The following RNF169 variants were observed in gnomAD, a reference collection of about 807,000 sequenced individuals.
RNF169 encodes E3 ubiquitin-protein ligase RNF169.
In RNF169, 24 loss-of-function variants were observed where a neutral mutation model predicts 53.9. The ratio of observed to expected loss-of-function variants is 0.45; its 90% CI spans 0.32 to 0.63. The LOEUF is 0.63. RNF169 is among the 20% of genes least tolerant of loss of function. The pLI is 0.04. For missense variants in RNF169, 883 were observed against 906.2 expected (o/e 0.97, Z 0.33); for synonymous variants, 396 against 363.5 (o/e 1.09, Z -1.02).
chr11:74,749,468 G>T (rs536281277), intron 1 of RNF169, 86 bp downstream of exon 1: 5 of 1,090,752 alleles, frequency 4.6e-6, no homozygotes, highest in Non-Finnish European at 5.7e-6. Flanking sequence ...AGAGTCCCGG[G>T]CCCTACTCGG....
intron 4 of RNF169, chr11:74,830,919 CT>C (rs1223672047): frequency 6.6e-6 from 1 of 151,958 alleles, no homozygotes; most frequent in Non-Finnish European, 1.5e-5. Context: ...GGGAAAAAAG[CT>C]CAGTAGACAC....
intron 4 of RNF169, among the ~76,000 whole-genome samples, chr11:74,827,094 C>T (rs140511661): frequency 4.1e-4 from 62 of 152,338 alleles, no homozygotes; most frequent in African/African-American, 1.3e-3. Flanking sequence ...CAGGCTCCAC[C>T]GCTGCAGCAG....
intron 2 of RNF169, among the ~76,000 whole-genome samples, chr11:74,800,577 A>G (rs1163634953): frequency 6.6e-6 from 1 of 152,224 alleles, no homozygotes; most frequent in East Asian, 1.9e-4. Context: ...TGCCTGGTCC[A>G]TAGTAAACTG....
At chr11:74,827,732 T>A (rs778550144) in intron 4 of RNF169, among the ~76,000 whole-genome samples, 2 of 152,102 alleles carry the variant, frequency 1.3e-5, no homozygotes, top group Non-Finnish European at 2.9e-5. Flanking sequence ...ACAAAAACCA[T>A]ATGATTATCT....
intron 2 of RNF169, among the ~76,000 whole-genome samples, chr11:74,806,610 A>G (rs2035808926): frequency 6.6e-6 from 1 of 152,256 alleles, no homozygotes; most frequent in South Asian, 2.1e-4. Context: ...GAATACTATA[A>G]AACAAAACAA....
chr11:74,789,459 A>T (rs904269138), intron 1 of RNF169, among the ~76,000 whole-genome samples, 167 bp from the exon 2 acceptor site: 5 of 152,206 alleles, frequency 3.3e-5, no homozygotes, highest in African/African-American at 1.2e-4. Context: ...AAGGAGACAG[A>T]AGTGTATACT....
At chr11:74,820,656 G>A (rs995738744) in intron 4 of RNF169, among the ~76,000 whole-genome samples, 5 of 152,124 alleles carry the variant, frequency 3.3e-5, no homozygotes, top group Admixed American at 6.6e-5. Context: ...CAAGTCAAGT[G>A]TTTACCAGCC....
At chr11:74,815,492 G>A (rs893653779) in intron 3 of RNF169, among the ~76,000 whole-genome samples, 6 of 152,048 alleles carry the variant, frequency 3.9e-5, no homozygotes, top group African/African-American at 1.5e-4. Context: ...GGAGGCGGAG[G>A]TTGCAGTGTG....
intron 1 of RNF169, among the ~76,000 whole-genome samples, chr11:74,778,684 A>G (rs2035372625): frequency 6.6e-6 from 1 of 152,224 alleles, no homozygotes; most frequent in South Asian, 2.1e-4. Context: ...ATTTTTACGT[A>G]GCAGCCTTTA....
At chr11:74,786,877 ATT>A (rs2035511346) in intron 1 of RNF169, among the ~76,000 whole-genome samples, 1 of 152,220 alleles carries the variant, frequency 6.6e-6, no homozygotes, top group South Asian at 2.1e-4. Context: ...CTCTTGAAAC[ATT>A]TTGTACTAAA....
rs774925873 is a variant in RNF169 at position 74,748,926 on chromosome 11, G to A, written c.46G>A (p.Ala16Thr). 8 of 1,452,062 alleles carry A rather than the reference G, an allele frequency of 5.5e-6. No individual in the cohort carries two copies. The highest frequency in any genetic ancestry group is 9.2e-7 in the Non-Finnish European group (1 of 1,092,316). The allele number at this position is 1,452,062 out of a possible 1,614,324, so 89.9% of individuals were successfully genotyped here. Residue 16 changes from alanine to threonine, a missense_variant, in exon 1 of 6, where the codon GCA (alanine) becomes ACA (threonine). By Grantham distance (58) the Ala-to-Thr change is moderately conservative. This residue lies in a region of RNF169 where 313 missense variants were observed against 279.9 expected (regional missense o/e 1.12). Transcript: ENST00000299563. ...TACTCGGGCCTCTTCCGCGGCGGCA[G>A]CAGCCGCTCTGAGTCGGCGGGGCCG... ...PSTRASSAAA[A>T]AALSRRGRRG...
At chr11:74,800,601 T>C (rs1832089554) in intron 2 of RNF169, among the ~76,000 whole-genome samples, 2 of 152,344 alleles carry the variant, frequency 1.3e-5, no homozygotes, top group South Asian at 4.1e-4. Context: ...ATAAGTATTA[T>C]TAATATTTAG....
chr11:74,835,520 G>GGCATAATCTT (rs776724024), intron 5 of RNF169, 26 bp from the exon 6 acceptor site: 3 of 1,545,406 alleles, frequency 1.9e-6, no homozygotes, highest in African/African-American at 1.4e-5. Context: ...TGTGTATGAA[G>GGCATAATCTT]GCATAATCTT....
intron 2 of RNF169, among the ~76,000 whole-genome samples, chr11:74,795,640 C>T (rs1467824602): frequency 6.6e-6 from 1 of 152,052 alleles, no homozygotes; most frequent in African/African-American, 2.4e-5. Context: ...GCAGGAGGAT[C>T]TCTTGAGCCC....
rs549430014 is a variant in RNF169, at chr11:74,837,543, C to T, written c.*813C>T. 51 of 152,354 alleles carry T rather than the reference C, an allele frequency of 3.3e-4. No homozygotes were observed. The highest frequency in any genetic ancestry group is 1.2e-3 in the African/African-American group (50 of 41,582). 9.4% of individuals were successfully genotyped at this position (152,354 alleles called of 1,614,324 possible). A position where few individuals can be genotyped will look rare whatever the true frequency, so the allele number is the denominator to read the frequency against. On this transcript the variant is annotated 3_prime_UTR_variant, in exon 6 of 6. Coordinates refer to ENST00000299563, the MANE Select transcript of RNF169 (RefSeq NM_001098638.2). ...CATTGAACACTGATAGTGCAGAATC[C>T]ACATGCAAACAAGATCGACAGGGTG... is the stretch of plus-strand genomic sequence containing the variant.
intron 4 of RNF169, among the ~76,000 whole-genome samples, chr11:74,826,377 C>T (rs1185887423): frequency 1.3e-5 from 2 of 152,046 alleles, no homozygotes; most frequent in East Asian, 1.9e-4. Flanking sequence ...CTCACTATCA[C>T]GAGAACAGCA....
intron 2 of RNF169, among the ~76,000 whole-genome samples, chr11:74,799,485 A>G (rs182793474): frequency 6.6e-5 from 10 of 152,330 alleles, no homozygotes; most frequent in Admixed American, 5.9e-4. Flanking sequence ...CAATTAGAAT[A>G]GCAGGTTACT....
chr11:74,801,141 G>A (rs545650187), intron 2 of RNF169, among the ~76,000 whole-genome samples: 1 of 152,300 alleles, frequency 6.6e-6, no homozygotes, highest in East Asian at 1.9e-4. Context: ...TATCATAAAT[G>A]TGATTTCTTT....
chr11:74,796,146 T>C (rs1275622416), intron 2 of RNF169, among the ~76,000 whole-genome samples: 2 of 152,244 alleles, frequency 1.3e-5, no homozygotes, highest in Non-Finnish European at 1.5e-5. Flanking sequence ...TGAAAACCAG[T>C]TCTATCTTTT....
Sources: allele counts gnomAD v4.1 joint callset (sites outside exome capture counted in the v4.1 genomes callset), GRCh38; gene constraint gnomAD v4.1.1; regional missense constraint gnomAD v4.1.1; transcripts MANE v1.5; gene names NCBI Gene and HGNC (gene_info 2026-07-23, HGNC 2026-07-21).